The following HTR1F variants were observed in gnomAD, a reference collection of about 807,000 sequenced individuals.
HTR1F encodes the protein 5-hydroxytryptamine receptor 1F, also known as 5-hydroxytryptamine (serotonin) receptor 1F, G protein-coupled.
In HTR1F, 17 loss-of-function variants were observed where a neutral mutation model predicts 24.0. The ratio of observed to expected loss-of-function variants is 0.71; its 90% CI spans 0.48 to 1.06. The LOEUF (loss-of-function observed/expected upper bound fraction) is 1.06. HTR1F is among the 50% of genes least tolerant of loss of function. HTR1F has a pLI of 0.00. For synonymous variants in HTR1F, 186 were observed against 156.8 expected, an observed-to-expected ratio of 1.19 and a Z score of -1.39; for missense variants, 391 against 427.8, an observed-to-expected ratio of 0.91 and a Z score of 0.76.
intron 1 of HTR1F, among the ~76,000 whole-genome samples, chr3:87,809,240 C>T (rs1005567812): frequency 5.3e-5 from 8 of 151,658 alleles, no homozygotes; most frequent in African/African-American, 1.7e-4. Flanking sequence ...ATTGTTTCTG[C>T]TTCATGTACT....
intron 1 of HTR1F, among the ~76,000 whole-genome samples, chr3:87,807,648 A>C (rs1021771442): frequency 4.3e-4 from 66 of 152,062 alleles, no homozygotes; most frequent in African/African-American, 1.4e-3. Flanking sequence ...TAGGACTTCC[A>C]GTAATATACT....
At chr3:87,897,616 T>C (rs1706230832) in intron 2 of HTR1F, among the ~76,000 whole-genome samples, 1 of 152,150 alleles carries the variant, frequency 6.6e-6, no homozygotes, top group Non-Finnish European at 1.5e-5. Context: ...CACTATGGCA[T>C]ATAAAACCCT....
intron 2 of HTR1F, among the ~76,000 whole-genome samples, chr3:87,945,922 G>C (rs1576073730): frequency 6.6e-6 from 1 of 152,082 alleles, no homozygotes; most frequent in Non-Finnish European, 1.5e-5. Flanking sequence ...ATGGCGGTGG[G>C]CCACTTCCAA....
chr3:87,902,310 A>G (rs1280053863), intron 2 of HTR1F, among the ~76,000 whole-genome samples: 4 of 152,130 alleles, frequency 2.6e-5, no homozygotes, highest in Non-Finnish European at 4.4e-5. Flanking sequence ...CCACTATGCA[A>G]AGGGGGAAGT....
intron 2 of HTR1F, among the ~76,000 whole-genome samples, chr3:87,962,917 T>C (rs1440824502): frequency 6.6e-6 from 1 of 152,054 alleles, no homozygotes; most frequent in East Asian, 1.9e-4. Context: ...CTAGTGATAC[T>C]AATAGACAAT....
At chr3:87,910,037 TATA>T (rs1227140258) in intron 2 of HTR1F, among the ~76,000 whole-genome samples, 4 of 152,080 alleles carry the variant, frequency 2.6e-5, no homozygotes, top group Non-Finnish European at 5.9e-5. Flanking sequence ...CTATGTTGTC[TATA>T]ATAATTTTCT....
intron 2 of HTR1F, among the ~76,000 whole-genome samples, chr3:87,979,081 G>GAGGA (rs1190125613): frequency 1.4e-4 from 1 of 7,130 alleles, no homozygotes; most frequent in African/African-American, 5.4e-4. Context: ...GGGAGGGGGG[G>GAGGA]AGGAAGGAAG....
chr3:87,978,946 T>A (rs1335808171), intron 2 of HTR1F, among the ~76,000 whole-genome samples: 3 of 58,370 alleles, frequency 5.1e-5, no homozygotes, highest in East Asian at 7.8e-4. Context: ...AAGAGAGAGA[T>A]GGGAAAGACT....
intron 1 of HTR1F, among the ~76,000 whole-genome samples, chr3:87,795,505 G>A (rs1448481468): frequency 6.6e-6 from 1 of 152,086 alleles, no homozygotes; most frequent in Non-Finnish European, 1.5e-5. Context: ...CAATATGAAA[G>A]GTGGACGGGA....
intron 2 of HTR1F, among the ~76,000 whole-genome samples, chr3:87,923,161 C>T (rs1704047945): frequency 6.6e-6 from 1 of 151,980 alleles, no homozygotes; most frequent in Non-Finnish European, 1.5e-5. Context: ...GTTTTGGTTA[C>T]TATAGCTTTT....
At chr3:87,944,418 A>AT (rs1203905143) in intron 2 of HTR1F, among the ~76,000 whole-genome samples, 2 of 152,046 alleles carry the variant, frequency 1.3e-5, no homozygotes, top group Non-Finnish European at 2.9e-5. Flanking sequence ...TTATTAAGCA[A>AT]TTTTTCTAAC....
chr3:87,889,718 A>G (rs985707681), intron 2 of HTR1F, among the ~76,000 whole-genome samples: 1 of 152,122 alleles, frequency 6.6e-6, no homozygotes, highest in African/African-American at 2.4e-5. Flanking sequence ...GTAATTTAAC[A>G]TTTACCATTT....
At chr3:87,891,885 G>GTC (rs1394248014) in intron 2 of HTR1F, among the ~76,000 whole-genome samples, 1 of 152,138 alleles carries the variant, frequency 6.6e-6, no homozygotes, top group African/African-American at 2.4e-5. Flanking sequence ...ACTGTAATTA[G>GTC]TCTCTGACTA....
chr3:87,968,234 CAG>C, intron 2 of HTR1F, among the ~76,000 whole-genome samples: 1 of 150,710 alleles, frequency 6.6e-6, no homozygotes, highest in Non-Finnish European at 1.5e-5. Context: ...TTTTTTGAGA[CAG>C]AGTTTCACTC....
At chr3:87,974,333 T>G (rs1405315041) in intron 2 of HTR1F, among the ~76,000 whole-genome samples, 1 of 152,230 alleles carries the variant, frequency 6.6e-6, no homozygotes. Flanking sequence ...TCAGTATTTC[T>G]ATTATCAATG....
chr3:87,936,376 A>G (rs1385281910), intron 2 of HTR1F, among the ~76,000 whole-genome samples: 1 of 152,238 alleles, frequency 6.6e-6, no homozygotes, highest in African/African-American at 2.4e-5. Context: ...CAACTGAAAG[A>G]TTAATAATTT....
At chr3:87,924,864 A>G (rs571372023) in intron 2 of HTR1F, among the ~76,000 whole-genome samples, 5 of 152,176 alleles carry the variant, frequency 3.3e-5, no homozygotes, top group Admixed American at 1.3e-4. Flanking sequence ...TTGGGGTTCA[A>G]TCTATTGCAG....
chr3:87,904,195 A>C (rs754034526), intron 2 of HTR1F, among the ~76,000 whole-genome samples: 3 of 152,144 alleles, frequency 2.0e-5, no homozygotes, highest in Non-Finnish European at 2.9e-5. Flanking sequence ...CTAACAAAAT[A>C]GCTAAAATTT....
chr3:87,816,612 A>G (rs1704255179), intron 1 of HTR1F, among the ~76,000 whole-genome samples: 1 of 152,056 alleles, frequency 6.6e-6, no homozygotes. Context: ...ATTGCTATTT[A>G]ATTTACTGGG....
Sources: gnomAD v4.1 joint callset for allele counts (sites outside exome capture counted in the v4.1 genomes callset) on GRCh38, gnomAD v4.1.1 for gene constraint, MANE v1.5 for transcripts, NCBI Gene and HGNC (gene_info 2026-07-23, HGNC 2026-07-21) for gene names.